WWOX: variants seen among roughly 807,000 people sequenced by gnomAD.
The protein encoded by WWOX is WW domain-containing oxidoreductase.
A neutral mutation model predicts 46.2 loss-of-function variants in WWOX; 69 were observed. The observed-to-expected ratio is 1.49, with a 90% CI of 1.23 to 1.82. WWOX has a LOEUF of 1.82. Among genes scored for constraint, WWOX ranks in the 40% most tolerant of loss-of-function variants. The probability of loss-of-function intolerance (pLI) is 0.00; values close to 1 mark genes in which losing one functional copy is unlikely to be tolerated. For synonymous variants in WWOX, 359 were observed against 202.6 expected (o/e 1.77, Z -6.56); for missense variants, 919 against 542.6 (o/e 1.69, Z -6.89).
At chr16:78,195,622 G>C (rs1004811248) in intron 5 of WWOX, among the ~76,000 whole-genome samples, 2 of 151,980 alleles carry the variant, frequency 1.3e-5, no homozygotes, top group Non-Finnish European at 2.9e-5. Flanking sequence ...AGGAGTTTGA[G>C]ACCAGCCTGA....
chr16:78,377,921 A>C (rs1365182448), intron 5 of WWOX, among the ~76,000 whole-genome samples: 4 of 152,132 alleles, frequency 2.6e-5, no homozygotes, highest in Admixed American at 1.3e-4. Context: ...CAAGGCAAAA[A>C]TTTTGGCCTG....
chr16:78,646,266 T>G (rs2046839769), intron 8 of WWOX, among the ~76,000 whole-genome samples: 1 of 152,088 alleles, frequency 6.6e-6, no homozygotes, highest in Non-Finnish European at 1.5e-5. Context: ...TCAATCCTCT[T>G]GCTTCCCAAA....
intron 8 of WWOX, among the ~76,000 whole-genome samples, chr16:79,143,384 G>A (rs942573086): frequency 7.2e-5 from 11 of 152,084 alleles, no homozygotes; most frequent in African/African-American, 2.7e-4. Flanking sequence ...TTTTAACTGT[G>A]CCTGAAGATC....
chr16:78,646,125 C>T (rs1191607474), intron 8 of WWOX, among the ~76,000 whole-genome samples: 1 of 152,208 alleles, frequency 6.6e-6, no homozygotes, highest in Non-Finnish European at 1.5e-5. Flanking sequence ...AAAGTCCCAT[C>T]TGCCATGCCA....
chr16:78,153,244 G>A (rs1013819340), intron 4 of WWOX, among the ~76,000 whole-genome samples: 11 of 152,190 alleles, frequency 7.2e-5, no homozygotes, highest in African/African-American at 2.7e-4. Flanking sequence ...GCATATAGGC[G>A]TGGTGTACTT....
intron 1 of WWOX, among the ~76,000 whole-genome samples, chr16:78,102,677 T>G (rs572548591): frequency 6.6e-6 from 1 of 152,314 alleles, no homozygotes; most frequent in South Asian, 2.1e-4. Flanking sequence ...CTTGTACTAG[T>G]CACCTTGTTT....
intron 5 of WWOX, among the ~76,000 whole-genome samples, chr16:78,273,059 T>C (rs1020178675): frequency 1.3e-5 from 2 of 152,254 alleles, no homozygotes; most frequent in African/African-American, 4.8e-5. Context: ...TCATCATTCC[T>C]TCATTTCCAC....
chr16:78,830,489 C>A (rs577368917), intron 8 of WWOX, among the ~76,000 whole-genome samples: 10 of 151,926 alleles, frequency 6.6e-5, no homozygotes, highest in East Asian at 1.9e-4. Context: ...CTGAAGAGGC[C>A]TCAAAATTAG....
chr16:78,950,666 T>G (rs1372268124), intron 8 of WWOX, among the ~76,000 whole-genome samples: 2 of 152,142 alleles, frequency 1.3e-5, no homozygotes, highest in Admixed American at 6.6e-5. Flanking sequence ...GTGGAATCCT[T>G]TTTCCTTGGG....
At chr16:78,144,519 A>T (rs1311771324) in intron 4 of WWOX, among the ~76,000 whole-genome samples, 25 of 34,640 alleles carry the variant, frequency 7.2e-4, no homozygotes, top group South Asian at 1.1e-3. Flanking sequence ...ATATATATAT[A>T]TATATTTTTT....
chr16:78,542,503 C>G (rs2043922769), intron 8 of WWOX, among the ~76,000 whole-genome samples: 1 of 152,058 alleles, frequency 6.6e-6, no homozygotes, highest in African/African-American at 2.4e-5. Flanking sequence ...GAGAGCAAAC[C>G]ACATTGCTTA....
intron 8 of WWOX, among the ~76,000 whole-genome samples, chr16:78,728,666 G>A (rs114012989): frequency 0.024 from 3,645 of 152,302 alleles, 149 homozygotes; most frequent in African/African-American, 0.083. Context: ...AGGGTCCCTT[G>A]ACTGCACTTT....
At chr16:78,979,283 G>A (rs77144854) in intron 8 of WWOX, among the ~76,000 whole-genome samples, 1 of 152,048 alleles carries the variant, frequency 6.6e-6, no homozygotes, top group Non-Finnish European at 1.5e-5. Flanking sequence ...GATAACGCCT[G>A]TGTTTTAGTT....
At chr16:78,462,616 C>G (rs2083977901) in intron 8 of WWOX, among the ~76,000 whole-genome samples, 1 of 152,200 alleles carries the variant, frequency 6.6e-6, no homozygotes, top group Non-Finnish European at 1.5e-5. Flanking sequence ...AGGTCCGTCT[C>G]CAAGTCGCCC....
At chr16:78,940,997 G>A (rs116068778) in intron 8 of WWOX, among the ~76,000 whole-genome samples, 1,711 of 151,956 alleles carry the variant, frequency 0.011, 38 homozygotes, top group African/African-American at 0.039. Context: ...CCTGCATGGT[G>A]TTGGGATGTA....
chr16:78,624,392 C>T (rs561945574), intron 8 of WWOX, among the ~76,000 whole-genome samples: 50 of 152,158 alleles, frequency 3.3e-4, no homozygotes, highest in African/African-American at 1.1e-3. Context: ...TGAAACAAGA[C>T]GAAGATTTGG....
rs755444813 is a variant in WWOX at position 78,432,527 on chromosome 16, C to T, written c.831C>T (p.Phe277=). The stretch of plus-strand genomic sequence containing the variant: ...ACGACTCCTTGGGAAAACTGGACTT[C>T]AGTCGCCTCTCTCCAACAAAAAACG... ...DINDSLGKLD[F]SRLSPTKNDY... The change falls in exon 8 of 9, where the codon TTC becomes TTT. Residue 277 remains phenylalanine, a synonymous_variant. Coordinates refer to ENST00000566780, the MANE Select transcript of WWOX (RefSeq NM_016373.4). The T allele has an allele frequency of 1.2e-6, 2 of 1,614,092 alleles. No homozygotes were observed. Among genetic ancestry groups the T allele is most frequent in the Non-Finnish European group, 1.7e-6 (2 of 1,180,052 alleles).
At chr16:78,367,422 T>C (rs936567087) in intron 5 of WWOX, among the ~76,000 whole-genome samples, 1 of 144,846 alleles carries the variant, frequency 6.9e-6, no homozygotes, top group African/African-American at 2.5e-5. Context: ...CATTTTTTTT[T>C]CAACTCATCA....
intron 6 of WWOX, among the ~76,000 whole-genome samples, chr16:78,417,996 C>G (rs1179426930): frequency 6.6e-6 from 1 of 152,170 alleles, no homozygotes; most frequent in East Asian, 1.9e-4. Flanking sequence ...ATGAATACTT[C>G]AAACAACAAC....
Sources: gnomAD v4.1 joint callset for allele counts (sites outside exome capture counted in the v4.1 genomes callset) on GRCh38, gnomAD v4.1.1 for gene constraint, MANE v1.5 for transcripts, NCBI Gene and HGNC (gene_info 2026-07-23, HGNC 2026-07-21) for gene names.